CXXC1: variants seen among roughly 807,000 people sequenced by gnomAD.
The protein encoded by CXXC1 is CXXC finger protein 1, also known as CXXC-type zinc finger protein 1.
A neutral mutation model predicts 83.6 loss-of-function variants in CXXC1; 21 were observed. That is an observed-to-expected ratio of 0.25 (90% CI 0.18 to 0.36). The LOEUF (loss-of-function observed/expected upper bound fraction) is 0.36. CXXC1 is among the 10% of genes least tolerant of loss of function. CXXC1 has a pLI of 1.00. For synonymous variants in CXXC1, 371 were observed against 337.5 expected (o/e 1.10, Z -1.09); for missense variants, 688 against 919.5 (o/e 0.75, Z 3.26).
At chr18:50,283,615 C>T (rs971055070) in intron 11 of CXXC1, 51 bp from the exon 12 acceptor site, 9 of 1,610,570 alleles carry the variant, frequency 5.6e-6, no homozygotes, top group Middle Eastern at 1.7e-4. Context: ...GCTGCATGCC[C>T]TCCCAAGACA....
Position 50,286,158 on chromosome 18 carries a change from C to T in CXXC1, c.323G>A (p.Gly108Glu), listed in dbSNP as rs770187421. ...TGGATCAGGGACAGGCCTCTTGCGC[C>T]CTCCACCCTCATCCCGGGGCTCACT... Reference protein sequence around the residue: ...DSSEPRDEGGGRKRPVPDPDL... With the variant: ...DSSEPRDEGGERKRPVPDPDL... The change falls in exon 4 of 15, where the codon GGG becomes GAG. Residue 108 changes from glycine to glutamate, a missense_variant. Transcript: ENST00000285106. 2 of 1,613,962 alleles carry T rather than the reference C, an allele frequency of 1.2e-6. No individual in the cohort carries two copies. The highest frequency in any genetic ancestry group is 2.2e-5 in the South Asian group (2 of 91,078).
chr18:50,283,159 G>A, intron 13 of CXXC1, 106 bp downstream of exon 13: 1 of 1,301,044 alleles, frequency 7.7e-7, no homozygotes, highest in Non-Finnish European at 1.1e-6. Flanking sequence ...CAGGGAAGCT[G>A]AGAGGAAAAA....
chr18:50,283,990 A>G lies in CXXC1; in HGVS notation c.1317T>C (p.Ser439=). 2 of 1,612,956 alleles carry G rather than the reference A, an allele frequency of 1.2e-6. No individual in the cohort carries two copies. Among genetic ancestry groups the G allele is most frequent in the Non-Finnish European group, 1.7e-6 (2 of 1,179,878 alleles). ...CCATTTCCTGAAGGCGAGTGCGGGC[A>G]CTCTGCTGCTCTCGGCGAATGCGTT... ...LLERIRREQQ[S]ARTRLQEMER... Residue 439 remains serine, a synonymous_variant, in exon 10 of 15, where the codon AGT becomes AGC. Transcript: ENST00000285106.
Position 50,282,602 on chromosome 18 carries a change from G to A in CXXC1, c.1962C>T (p.Ala654=). The A allele has an allele frequency of 1.9e-6, 3 of 1,609,362 alleles. No individual in the cohort carries two copies. The highest frequency in any genetic ancestry group is 1.7e-6 in the Non-Finnish European group (2 of 1,179,992). Residue 654 remains alanine (A), a synonymous_variant, in exon 15 of 15, where the codon GCC becomes GCT. Transcript: ENST00000285106. The surrounding 1 kb of genome is among the most constrained non-coding windows in gnomAD (Gnocchi z 5.8). ...GTCCGGGCCAGGAGGCTCAGCGGTC[G>A]GCACTGGAGCGCAGGTCGGTAGTGA... ...DPLTTDLRSS[A]DR
At position 50,285,236 on chromosome 18, in the gene CXXC1, CACT is replaced by C. The variant is rs1240673888; in HGVS notation, c.675_677del (p.Val226del). On this transcript the variant is annotated inframe_deletion, in exon 7 of 15. Transcript: ENST00000285106. This position sits in a 1 kb window ranked among gnomAD's most constrained non-coding sequence, Gnocchi z 4.4. The stretch of plus-strand genomic sequence containing the variant: ...GCCTTGGCAGGGACTCTGAGGGCGT[CACT>C]GGTGAGAGCTGCAGGGCAGAATCTC... 1 of 1,613,998 alleles carries C rather than the reference CACT, an allele frequency of 6.2e-7. No individual in the cohort carries two copies. The highest frequency in any genetic ancestry group is 1.3e-5 in the African/African-American group (1 of 74,946).
chr18:50,284,644 T>C, intron 8 of CXXC1, 82 bp from the exon 9 acceptor site: 1 of 1,606,616 alleles, frequency 6.2e-7, no homozygotes, highest in Non-Finnish European at 8.5e-7. Context: ...TAGCCCTTTC[T>C]GGCTCTTGCC....
In CXXC1 at chr18:50,286,785, G is replaced by T; in HGVS notation, c.77C>A (p.Pro26His). ...DSKSENGENAPIYCICRKPDI... is the reference protein window; with the variant it reads ...DSKSENGENAHIYCICRKPDI... The stretch of plus-strand genomic sequence containing the variant: ...CGGTTTGCGGCAGATGCAGTAGATG[G>T]GCGCATTCTCCCCATTCTCGGACTT... The change falls in exon 2 of 15, where the codon CCC becomes CAC. Residue 26 changes from proline (P) to histidine (H), a missense_variant. Physicochemically the swap from Pro to His is moderately conservative, Grantham distance 77. Transcript: ENST00000285106. 1 of 1,614,122 alleles carries T rather than the reference G, an allele frequency of 6.2e-7. No individual in the cohort carries two copies. Among genetic ancestry groups the T allele is most frequent in the South Asian group, 1.1e-5 (1 of 91,080 alleles).
In CXXC1 at chr18:50,284,364, C is replaced by G; in HGVS notation, c.1205+14G>C. On this transcript the variant is annotated intron_variant, in intron 9 of 14. Transcript: ENST00000285106. The stretch of plus-strand genomic sequence containing the variant: ...CACTTCCTGACTCCCTTGAACCTCT[C>G]AGGAATGACTCACTTGGCTGCCAGC... 6.5e-7 allele frequency: 1 copy of G among 1,532,884 alleles called. No individual in the cohort carries two copies. Among genetic ancestry groups the G allele is most frequent in the Non-Finnish European group, 8.7e-7 (1 of 1,144,106 alleles). The allele number at this position is 1,532,884 out of a possible 1,614,324, so 95.0% of individuals were successfully genotyped here.
chr18:50,286,297 G>A (rs980933120), intron 3 of CXXC1, 40 bp from the exon 4 acceptor site: 2 of 1,534,094 alleles, frequency 1.3e-6, no homozygotes, highest in South Asian at 1.2e-5. Context: ...GTGAGCACTG[G>A]ATGGCTTGAA....
Position 50,283,982 on chromosome 18 carries a change from G to A in CXXC1, c.1325C>T (p.Thr442Ile). 6.2e-7 allele frequency: 1 copy of A among 1,613,580 alleles called. No homozygotes were observed. Among genetic ancestry groups the A allele is most frequent in the Non-Finnish European group, 8.5e-7 (1 of 1,179,992 alleles). ...RIRREQQSAR[T>I]RLQEMERRFH... ...TCGGCGTTCCATTTCCTGAAGGCGA[G>A]TGCGGGCACTCTGCTGCTCTCGGCG... is the stretch of plus-strand genomic sequence containing the variant. Residue 442 changes from threonine to isoleucine, a missense_variant, in exon 10 of 15, where the codon ACT becomes ATT. Physicochemically the swap from Thr to Ile is moderately conservative, Grantham distance 89. Transcript: ENST00000285106.
chr18:50,283,021 G>A lies in CXXC1; in HGVS notation c.1672-15C>T, dbSNP rs367821783. ...TCAGCTGGCACCTGCAAGGAGGCCA[G>A]GTTGGGGGGATGAATAGCGGTGATA... On this transcript the variant is annotated splice_polypyrimidine_tract_variant and intron_variant, in intron 13 of 14. Coordinates refer to ENST00000285106, the MANE Select transcript of CXXC1 (RefSeq NM_014593.4). 1 of 1,613,466 alleles carries A rather than the reference G, an allele frequency of 6.2e-7. No individual in the cohort carries two copies. Among genetic ancestry groups the A allele is most frequent in the East Asian group, 2.2e-5 (1 of 44,878 alleles).
chr18:50,284,310 A>G, intron 9 of CXXC1, 68 bp downstream of exon 9: 1 of 1,519,022 alleles, frequency 6.6e-7, no homozygotes, highest in Non-Finnish European at 8.8e-7. Flanking sequence ...TGGTAGACAT[A>G]CAGAAGGCTG....
At position 50,285,096 on chromosome 18, in the gene CXXC1, G is replaced by A. The variant is rs1226452536; in HGVS notation, c.818C>T (p.Thr273Ile). ...ATCTGAGAGTGGCTCAGGTGTGGCT[G>A]TAGCCTCAGGAGGCTCCTTGACTGT... The part of the protein sequence containing the change: ...SSTVKEPPEA[T>I]ATPEPLSDED... The change falls in exon 7 of 15, where the codon ACA (threonine) becomes ATA (isoleucine). Residue 273 changes from threonine (T) to isoleucine (I), a missense_variant. By Grantham distance (89) the Thr-to-Ile change is moderately conservative (BLOSUM62 -1). Around this residue, in one of 9 missense-constraint regions of CXXC1, gnomAD observed 190 missense variants for 199.7 expected, o/e 0.95. Transcript: ENST00000285106. The surrounding 1 kb of genome is among the most constrained non-coding windows in gnomAD (Gnocchi z 4.4). 3 of 1,614,248 alleles carry A rather than the reference G, an allele frequency of 1.9e-6. No homozygotes were observed. The highest frequency in any genetic ancestry group is 2.5e-6 in the Non-Finnish European group (3 of 1,180,042).
chr18:50,282,569 T>C lies in CXXC1; in HGVS notation c.*24A>G. The stretch of plus-strand genomic sequence containing the variant: ...CGGCTCCCCCATCTGGAATGCAGGG[T>C]GTAAGGGGTCCGGGCCAGGAGGCTC... On this transcript the variant is annotated 3_prime_UTR_variant, in exon 15 of 15. Coordinates refer to ENST00000285106, the MANE Select transcript of CXXC1 (RefSeq NM_014593.4). The surrounding 1 kb of genome is among the most constrained non-coding windows in gnomAD (Gnocchi z 5.8). 1 of 1,602,174 alleles carries C rather than the reference T, an allele frequency of 6.2e-7. No individual in the cohort carries two copies. The highest frequency in any genetic ancestry group is 8.5e-7 in the Non-Finnish European group (1 of 1,179,490).
chr18:50,284,943 G>A, intron 7 of CXXC1, 59 bp downstream of exon 7: 1 of 1,612,726 alleles, frequency 6.2e-7, no homozygotes, highest in Non-Finnish European at 8.5e-7. Flanking sequence ...CCTCATTAGG[G>A]ATACTCTCTG....
Position 50,282,711 on chromosome 18 carries a change from T to G in CXXC1, c.1853A>C (p.Gln618Pro). The change falls in exon 15 of 15, where the codon CAG (glutamine) becomes CCG (proline). Residue 618 changes from glutamine to proline, a missense_variant. Around this residue, in one of 9 missense-constraint regions of CXXC1, gnomAD observed 114 missense variants for 173.3 expected, o/e 0.66. Coordinates refer to ENST00000285106, the MANE Select transcript of CXXC1 (RefSeq NM_014593.4). The surrounding 1 kb of genome is among the most constrained non-coding windows in gnomAD (Gnocchi z 5.8). ...VWYKLDELFE[Q>P]ERNVRTAMTN... ...CATGGCTGTGCGCACATTGCGCTCC[T>G]GCTCAAACAGCTCGTCCAGCTTGTA... is the stretch of plus-strand genomic sequence containing the variant. 1 of 1,613,974 alleles carries G rather than the reference T, an allele frequency of 6.2e-7. No individual in the cohort carries two copies. Among genetic ancestry groups the G allele is most frequent in the Non-Finnish European group, 8.5e-7 (1 of 1,180,024 alleles).
rs1378177558 is a variant in CXXC1 at position 50,283,554 on chromosome 18, T to C, written c.1535A>G (p.Gln512Arg). ...MERCYAKYESQTSFGSMYPTR... is the reference protein window; with the variant it reads ...MERCYAKYESRTSFGSMYPTR... ...GGGGTACATGGACCCAAAGGACGTC[T>C]GGCTCTCATACTGGAGGGATGAGCA... is the stretch of plus-strand genomic sequence containing the variant. The change falls in exon 12 of 15, where the codon CAG (glutamine) becomes CGG (arginine). Residue 512 changes from glutamine (Q) to arginine (R), a missense_variant. By Grantham distance (43) the Gln-to-Arg change is conservative. This residue lies in a region of CXXC1 where 19 missense variants were observed against 64.1 expected (regional missense o/e 0.30). Transcript: ENST00000285106. The C allele has an allele frequency of 6.2e-7, 1 of 1,613,900 alleles. No individual in the cohort carries two copies. Among genetic ancestry groups the C allele is most frequent in the Non-Finnish European group, 8.5e-7 (1 of 1,180,012 alleles).
rs746654611 is a variant in CXXC1, at chr18:50,284,076, G to A, written c.1231C>T (p.Arg411Cys). ...ANRIYEILPQ[R>C]IQQWQQSPCI... is the part of the protein sequence containing the mutation. Reference sequence around the variant, plus strand: ...GGGCTCTGCTGCCACTGCTGGATGCGCTGGGGGAGGATCTCGTAGATGCGG... The same window carrying A: ...GGGCTCTGCTGCCACTGCTGGATGCACTGGGGGAGGATCTCGTAGATGCGG... The change falls in exon 10 of 15, where the codon CGC (arginine) becomes TGC (cysteine). Residue 411 changes from arginine to cysteine, a missense_variant. Physicochemically the swap from Arg to Cys is radical, Grantham distance 180. Around this residue, in one of 9 missense-constraint regions of CXXC1, gnomAD observed 100 missense variants for 142.5 expected, o/e 0.70. Coordinates refer to ENST00000285106, the MANE Select transcript of CXXC1 (RefSeq NM_014593.4). 6.8e-6 allele frequency: 11 copies of A among 1,608,074 alleles called. No individual in the cohort carries two copies. The highest frequency in any genetic ancestry group is 1.7e-5 in the Admixed American group (1 of 59,980).
In CXXC1 at chr18:50,286,206, C is replaced by A. The variant is rs1301574674; in HGVS notation, c.275G>T (p.Arg92Leu). The A allele has an allele frequency of 5.6e-6, 9 of 1,613,298 alleles. No individual in the cohort carries two copies. Among genetic ancestry groups the A allele is most frequent in the Non-Finnish European group, 7.6e-6 (9 of 1,179,900 alleles). Reference protein sequence around the residue: ...IRYRHKKSRERDGNERDSSEP... With the variant: ...IRYRHKKSRELDGNERDSSEP... ...ACTGCTGTCCCGCTCATTGCCATCC[C>A]GCTCCCGTGACTTCTTGTGCCGATA... Residue 92 changes from arginine (R) to leucine (L), a missense_variant, in exon 4 of 15, where the codon CGG becomes CTG. Transcript: ENST00000285106.
Sources: allele counts gnomAD v4.1 joint callset, GRCh38; gene constraint gnomAD v4.1.1; regional missense constraint gnomAD v4.1.1; non-coding constraint Gnocchi (gnomAD v3.1); transcripts MANE v1.5; gene names NCBI Gene and HGNC (gene_info 2026-07-23, HGNC 2026-07-21).